Variants in HSP90B1 observed in about 807,000 individuals in gnomAD.
The protein encoded by HSP90B1 is endoplasmin.
HSP90B1 carries 27 observed loss-of-function variants against 100.4 expected under a neutral mutation model. The ratio of observed to expected loss-of-function variants is 0.27; its 90% confidence interval spans 0.20 to 0.37. HSP90B1 has a LOEUF of 0.37. HSP90B1 is among the 10% of genes least tolerant of loss of function. The pLI is 1.00. For missense variants in HSP90B1, 678 were observed against 960.5 expected, an observed-to-expected ratio of 0.71 and a Z score of 3.89; for synonymous variants, 304 against 330.8, an observed-to-expected ratio of 0.92 and a Z score of 0.88.
In HSP90B1 at chr12:103,932,331, TAGAG is replaced by T. The variant is rs762196975; in HGVS notation, c.211_214del (p.Glu71SerfsTer14). ...TAAATGCATCACAAATAAGAGAACT[TAGAG>T]AGAAGTCGGAAAAGTTTGCCTTCCA... On this transcript the variant is annotated frameshift_variant, in exon 3 of 18. Coordinates refer to ENST00000299767, the MANE Select transcript of HSP90B1 (RefSeq NM_003299.3). LOFTEE classifies it high-confidence loss of function. 6.2e-7 allele frequency: 1 copy of T among 1,613,086 alleles called. No individual in the cohort carries two copies. Among genetic ancestry groups the T allele is most frequent in the Non-Finnish European group, 8.5e-7 (1 of 1,179,306 alleles).
At chr12:103,934,817 T>C (rs1335617495) in intron 5 of HSP90B1, among the ~76,000 whole-genome samples, 1 of 152,238 alleles carries the variant, frequency 6.6e-6, no homozygotes, top group African/African-American at 2.4e-5. Flanking sequence ...TTCTCCTGCC[T>C]CAGCCTCCCA....
intron 12 of HSP90B1, 135 bp from the exon 13 acceptor site, chr12:103,942,939 T>G (rs1870120170): frequency 7.0e-7 from 1 of 1,430,334 alleles, no homozygotes; most frequent in African/African-American, 1.4e-5. Flanking sequence ...AGGAAGGTCA[T>G]TTATATTCTC....
chr12:103,938,125 C>G (rs2136214709), intron 6 of HSP90B1: 1 of 428,758 alleles, frequency 2.3e-6, no homozygotes, highest in East Asian at 4.6e-5. Flanking sequence ...GAGCCAAGAT[C>G]GCCCCACTGC....
chr12:103,947,195 A>AT, intron 16 of HSP90B1, 116 bp from the exon 17 acceptor site: 1 of 1,348,264 alleles, frequency 7.4e-7, no homozygotes, highest in Non-Finnish European at 1.0e-6. Flanking sequence ...AGTTAAGAGG[A>AT]TTTAGTCTGT....
chr12:103,932,559 T>C, intron 3 of HSP90B1, 141 bp downstream of exon 3: 1 of 728,246 alleles, frequency 1.4e-6, no homozygotes, highest in African/African-American at 1.8e-5. Flanking sequence ...GTCCAAGAAT[T>C]GCTACCAGAT....
rs1285595205 is a variant in HSP90B1, at chr12:103,934,071, A to G, written c.527A>G (p.Asn176Ser). The G allele has an allele frequency of 1.9e-6, 3 of 1,614,138 alleles. No individual in the cohort carries two copies. In the African/African-American group the frequency reaches 4.0e-5, roughly 22 times the overall value. Reference sequence around the variant, plus strand: ...AAATCTGGGACAAGCGAGTTTTTAAACAAAATGACTGAAGCACAGGAAGAT... The same window carrying G: ...AAATCTGGGACAAGCGAGTTTTTAAGCAAAATGACTGAAGCACAGGAAGAT... ...IAKSGTSEFL[N>S]KMTEAQEDGQ... The change falls in exon 5 of 18, where the codon AAC (asparagine) becomes AGC (serine). Residue 176 changes from asparagine (N) to serine (S), a missense_variant. Physicochemically the swap from Asn to Ser is conservative, Grantham distance 46. This residue lies in a region of HSP90B1 where 238 missense variants were observed against 346.7 expected (regional missense o/e 0.69). Transcript: ENST00000299767.
In HSP90B1 at chr12:103,941,695, G is replaced by C. The variant is rs1870084170; in HGVS notation, c.1297G>C (p.Val433Leu). The change falls in exon 10 of 18, where the codon GTC becomes CTC. Residue 433 changes from valine (V) to leucine (L), a missense_variant. This residue lies in a region of HSP90B1 where 44 missense variants were observed against 110.8 expected (regional missense o/e 0.40). Transcript: ENST00000299767. Reference protein sequence around the residue: ...HDMMPKYLNFVKGVVDSDDLP... With the variant: ...HDMMPKYLNFLKGVVDSDDLP... ...TATGATGCCTAAATACCTCAATTTT[G>C]TCAAGGGTGTGGTAAGTATCTGAAG... The C allele has an allele frequency of 6.2e-7, 1 of 1,613,938 alleles. No homozygotes were observed. Among genetic ancestry groups the C allele is most frequent in the African/African-American group, 1.3e-5 (1 of 74,996 alleles).
chr12:103,933,333 G>A (rs1309821477), intron 4 of HSP90B1, among the ~76,000 whole-genome samples: 1 of 152,240 alleles, frequency 6.6e-6, no homozygotes, highest in Non-Finnish European at 1.5e-5. Flanking sequence ...CCTCAGGCTG[G>A]GACAGAGGCG....
At position 103,938,356 on chromosome 12, in the gene HSP90B1, A is replaced by T; in HGVS notation, c.872A>T (p.Glu291Val). Residue 291 changes from glutamate (E) to valine (V), a missense_variant, in exon 7 of 18, where the codon GAG becomes GTG. Coordinates refer to ENST00000299767, the MANE Select transcript of HSP90B1 (RefSeq NM_003299.3). ...TTTCAACAGACTGAAACTGTTGAGGAGCCCATGGAGGAAGAAGAAGCAGCC... is the reference window on the plus strand; with the variant it reads ...TTTCAACAGACTGAAACTGTTGAGGTGCCCATGGAGGAAGAAGAAGCAGCC... ...VWSSKTETVE[E>V]PMEEEEAAKE... 1 of 1,556,872 alleles carries T rather than the reference A, an allele frequency of 6.4e-7. No homozygotes were observed. The highest frequency in any genetic ancestry group is 8.7e-7 in the Non-Finnish European group (1 of 1,147,586).
At chr12:103,947,611 G>C (rs1366979632) in intron 17 of HSP90B1, 22 bp from the exon 18 acceptor site, 2 of 1,570,878 alleles carry the variant, frequency 1.3e-6, no homozygotes, top group Admixed American at 3.7e-5. Flanking sequence ...ATACCTTCTG[G>C]GTTTTTTTTA....
intron 6 of HSP90B1, 21 bp from the exon 7 acceptor site, chr12:103,938,319 A>G: frequency 3.9e-6 from 6 of 1,527,570 alleles, no homozygotes; most frequent in Non-Finnish European, 5.3e-6. Context: ...GAGTTTAACC[A>G]TAATTCTCTT....
At chr12:103,931,661 G>GTGTGAACCT in intron 2 of HSP90B1, 38 bp downstream of exon 2, 1 of 1,433,116 alleles carries the variant, frequency 7.0e-7, no homozygotes, top group Non-Finnish European at 9.8e-7. Flanking sequence ...CAGATAAGCC[G>GTGTGAACCT]TGTGAACCTT....
chr12:103,938,986 G>C (rs893223529), intron 7 of HSP90B1, among the ~76,000 whole-genome samples: 2 of 152,040 alleles, frequency 1.3e-5, no homozygotes, highest in African/African-American at 4.8e-5. Flanking sequence ...AAAAACTTAA[G>C]TGGCTTTTCA....
At chr12:103,931,712 TC>T in intron 2 of HSP90B1, 89 bp downstream of exon 2, 1 of 948,566 alleles carries the variant, frequency 1.1e-6, no homozygotes, top group Non-Finnish European at 1.7e-6. Context: ...TCTCCAAAGG[TC>T]CAGATAAAGT....
At chr12:103,939,662 T>A (rs199957905) in intron 8 of HSP90B1, 37 bp downstream of exon 8, 2 of 960,000 alleles carry the variant, frequency 2.1e-6, no homozygotes, top group African/African-American at 1.7e-5. Flanking sequence ...TGGTTATTAA[T>A]GAATAGACAA....
At chr12:103,941,337 T>C in intron 8 of HSP90B1, 73 bp from the exon 9 acceptor site, 1 of 1,478,766 alleles carries the variant, frequency 6.8e-7, no homozygotes. Flanking sequence ...ATGTACCACA[T>C]AGTACATTGC....
chr12:103,936,164 T>C (rs1869908446), intron 5 of HSP90B1, among the ~76,000 whole-genome samples: 1 of 152,204 alleles, frequency 6.6e-6, no homozygotes. Context: ...CTCAAATTTA[T>C]ATTCTTAGCC....
chr12:103,931,476 T>C (rs1321763086), intron 1 of HSP90B1, 45 bp from the exon 2 acceptor site: 1 of 1,445,878 alleles, frequency 6.9e-7, no homozygotes, highest in South Asian at 1.2e-5. Flanking sequence ...TCATCCTCCT[T>C]GGAGAAGTGT....
At position 103,942,865 on chromosome 12, in the gene HSP90B1, G is replaced by C. The variant is rs148043896; in HGVS notation, c.1644+69G>C. 1.5e-3 allele frequency: 2,302 copies of C among 1,563,586 alleles called. 8 individuals carry two copies. Among genetic ancestry groups the C allele is most frequent in the Middle Eastern group, 6.0e-3 (35 of 5,846 alleles). On this transcript the variant is annotated intron_variant, in intron 12 of 17. Coordinates refer to ENST00000299767, the MANE Select transcript of HSP90B1 (RefSeq NM_003299.3). ...CTAGGGATTTATAGCCAACTCTTGA[G>C]GGGGAGAAAAGGAAAACTTAATTGT...
Sources: gnomAD v4.1 joint callset for allele counts (sites outside exome capture counted in the v4.1 genomes callset) on GRCh38, gnomAD v4.1.1 for gene constraint, gnomAD v4.1.1 regional missense constraint, MANE v1.5 for transcripts, NCBI Gene and HGNC (gene_info 2026-07-23, HGNC 2026-07-21) for gene names.